EFR3B: variants seen among roughly 807,000 people sequenced by gnomAD.
The protein encoded by EFR3B is protein EFR3 homolog B.
A neutral mutation model predicts 104.7 loss-of-function variants in EFR3B; 64 were observed. The ratio of observed to expected loss-of-function variants is 0.61; its 90% CI spans 0.50 to 0.75. The LOEUF is 0.75. Ranked by LOEUF, EFR3B falls within the 30% of genes least tolerant of loss-of-function variation. EFR3B has a pLI of 0.00. For missense variants in EFR3B, 750 were observed against 1,078.5 expected (o/e 0.70, Z 4.27); for synonymous variants, 385 against 417.9 (o/e 0.92, Z 0.96).
intron 5 of EFR3B, among the ~76,000 whole-genome samples, chr2:25,126,813 T>G (rs1428319593): frequency 6.6e-6 from 1 of 152,020 alleles, no homozygotes; most frequent in Non-Finnish European, 1.5e-5. Flanking sequence ...TTTCTTACCT[T>G]TTGACTCATT....
intron 1 of EFR3B, among the ~76,000 whole-genome samples, chr2:25,087,805 C>T (rs1668998865): frequency 6.6e-6 from 1 of 152,146 alleles, no homozygotes; most frequent in African/African-American, 2.4e-5. Context: ...TCATGAATTC[C>T]ATTTTATCAG....
Position 25,149,705 on chromosome 2 carries a change from C to T in EFR3B, c.2154C>T (p.Ala718=), listed in dbSNP as rs189511251. Residue 718 remains alanine, a synonymous_variant, in exon 20 of 23, where the codon GCC becomes GCT. Transcript: ENST00000403714. ...NSPEKEERVP[A]EEITYETLKK... is the part of the protein sequence containing the mutation. ...CCCTTCTCCTTCAGCGAGTGCCTGC[C>T]GAGGAGATCACCTATGAGACACTGA... The T allele has an allele frequency of 5.1e-3, 7,909 of 1,551,440 alleles. 37 individuals are homozygous for T. Among genetic ancestry groups the T allele is most frequent in the African/African-American group, 8.6e-3 (632 of 73,120 alleles).
At chr2:25,132,606 G>A (rs1160758602) in intron 10 of EFR3B, among the ~76,000 whole-genome samples, 1 of 101,036 alleles carries the variant, frequency 9.9e-6, no homozygotes, top group Non-Finnish European at 2.0e-5. Flanking sequence ...CCCCCGCTCC[G>A]CCCTGGTCCC....
At position 25,130,508 on chromosome 2, in the gene EFR3B, G is replaced by A; in HGVS notation, c.771-44G>A. The A allele has an allele frequency of 2.0e-6, 3 of 1,475,702 alleles. No individual in the cohort carries two copies. The highest frequency in any genetic ancestry group is 2.8e-6 in the Non-Finnish European group (3 of 1,077,888). 91.4% of individuals were successfully genotyped at this position (1,475,702 alleles called of 1,614,324 possible). Reference sequence around the variant, plus strand: ...AAGCTAATCTCTTCTCCCTAACACTGCCGGGAGTTTCATAGTTGTTCCCCC... The same window carrying A: ...AAGCTAATCTCTTCTCCCTAACACTACCGGGAGTTTCATAGTTGTTCCCCC... On this transcript the variant is annotated intron_variant, in intron 7 of 22. Coordinates refer to ENST00000403714, the MANE Select transcript of EFR3B (RefSeq NM_014971.2). The surrounding 1 kb of genome is among the most constrained non-coding windows in gnomAD (Gnocchi z 4.6).
intron 1 of EFR3B, chr2:25,080,785 A>G: frequency 7.9e-7 from 1 of 1,266,592 alleles, no homozygotes; most frequent in Non-Finnish European, 1.1e-6. Context: ...GTCAAAATTG[A>G]TCTTTGCATC....
intron 1 of EFR3B, among the ~76,000 whole-genome samples, chr2:25,066,796 A>G (rs528822288): frequency 6.6e-6 from 1 of 152,168 alleles, no homozygotes; most frequent in African/African-American, 2.4e-5. Context: ...AATAAACAAC[A>G]TGACTTCTAG....
intron 3 of EFR3B, among the ~76,000 whole-genome samples, chr2:25,093,505 G>GAA (rs924679315): frequency 1.4e-5 from 2 of 146,282 alleles, no homozygotes; most frequent in Non-Finnish European, 3.0e-5. Flanking sequence ...CTCAAAAAAA[G>GAA]AAAAAAAAAA....
At position 25,137,444 on chromosome 2, in the gene EFR3B, T is replaced by C. The variant is rs1573231112; in HGVS notation, c.1664T>C (p.Ile555Thr). The C allele has an allele frequency of 6.4e-7, 1 of 1,551,742 alleles. No homozygotes were observed. Among genetic ancestry groups the C allele is most frequent in the Non-Finnish European group, 8.7e-7 (1 of 1,146,988 alleles). The change falls in exon 15 of 23, where the codon ATC becomes ACC. Residue 555 changes from isoleucine (I) to threonine (T), a missense_variant. Physicochemically the swap from Ile to Thr is moderately conservative, Grantham distance 89. Coordinates refer to ENST00000403714, the MANE Select transcript of EFR3B (RefSeq NM_014971.2). This position sits in a 1 kb window ranked among gnomAD's most constrained non-coding sequence, Gnocchi z 4.7. ...ALYGLLALIS[I>T]ELANEEVVVD... ...TATGGCTTGCTGGCCCTCATCAGCATCGAGCTGGCTAACGAGGAGGTGGTG... is the reference window on the plus strand; with the variant it reads ...TATGGCTTGCTGGCCCTCATCAGCACCGAGCTGGCTAACGAGGAGGTGGTG...
At chr2:25,123,540 T>C (rs1004558977) in intron 5 of EFR3B, among the ~76,000 whole-genome samples, 2 of 152,006 alleles carry the variant, frequency 1.3e-5, no homozygotes, top group Non-Finnish European at 2.9e-5. Flanking sequence ...GTGCCTCTGG[T>C]GAGGCCAGAG....
rs541177052 is a variant in EFR3B at position 25,097,897 on chromosome 2, A to C, written c.212+4767A>C. ...GCAGAATGCCATATAAGACGCCGTC[A>C]GGATCCCCAGTACCTGGAGCTCTCA... On this transcript the variant is annotated intron_variant, in intron 3 of 22. Coordinates refer to ENST00000403714, the MANE Select transcript of EFR3B (RefSeq NM_014971.2). 7.9e-5 allele frequency among the ~76,000 whole-genome samples: 12 copies of C among 152,284 alleles called. 1 individual carries two copies. In the South Asian group the frequency reaches 2.5e-3, roughly 32 times the overall value.
intron 5 of EFR3B, among the ~76,000 whole-genome samples, chr2:25,127,662 G>C (rs1392454374): frequency 1.3e-5 from 2 of 152,150 alleles, no homozygotes; most frequent in Non-Finnish European, 2.9e-5. Context: ...AGGGACTGGG[G>C]GTGTACAAAA....
chr2:25,065,651 G>A (rs1209230987), intron 1 of EFR3B, among the ~76,000 whole-genome samples: 2 of 152,116 alleles, frequency 1.3e-5, no homozygotes, highest in East Asian at 3.9e-4. Context: ...CAGGCCTGAG[G>A]GCTGGGCCCT....
At chr2:25,088,565 C>T (rs529337225) in intron 1 of EFR3B, among the ~76,000 whole-genome samples, 3 of 152,106 alleles carry the variant, frequency 2.0e-5, no homozygotes, top group Non-Finnish European at 2.9e-5. Context: ...TGGGGGAAAG[C>T]AGAAAGGGGC....
intron 5 of EFR3B, among the ~76,000 whole-genome samples, chr2:25,123,949 A>C (rs919535355): frequency 1.1e-4 from 16 of 152,218 alleles, no homozygotes; most frequent in Non-Finnish European, 2.1e-4. Context: ...CAGCAGTGCC[A>C]TTACACCCAC....
intron 4 of EFR3B, chr2:25,116,016 GAA>G (rs1385687214): frequency 2.0e-5 from 3 of 152,242 alleles, no homozygotes; most frequent in Non-Finnish European, 4.4e-5. Context: ...AACCATATCT[GAA>G]ATGTGTTTTC....
intron 1 of EFR3B, among the ~76,000 whole-genome samples, chr2:25,079,693 A>C (rs1394838794): frequency 6.6e-6 from 1 of 152,218 alleles, no homozygotes; most frequent in Non-Finnish European, 1.5e-5. Context: ...TGGTTGCAAC[A>C]AAAGAAATTA....
rs1325828815 is a variant in EFR3B, at chr2:25,136,344, T to C, written c.1485-179T>C. On this transcript the variant is annotated intron_variant, in intron 13 of 22. Transcript: ENST00000403714. The surrounding 1 kb of genome is among the most constrained non-coding windows in gnomAD (Gnocchi z 4.0). Reference sequence around the variant, plus strand: ...TCAAAAAGGAAAAAAGAGAGAGAGATAAAGGGACAAATTCTTGAGAACTTG... The same window carrying C: ...TCAAAAAGGAAAAAAGAGAGAGAGACAAAGGGACAAATTCTTGAGAACTTG... 6.6e-6 allele frequency among the ~76,000 whole-genome samples: 1 copy of C among 151,560 alleles called. No individual in the cohort carries two copies. The highest frequency in any genetic ancestry group is 1.5e-5 in the Non-Finnish European group (1 of 67,884).
chr2:25,052,126 G>A (rs1046020003), intron 1 of EFR3B, among the ~76,000 whole-genome samples: 1 of 151,472 alleles, frequency 6.6e-6, no homozygotes, highest in Non-Finnish European at 1.5e-5. Context: ...AACCCGGGAG[G>A]CGGAGGTTGC....
chr2:25,050,463 T>G (rs1667836234), intron 1 of EFR3B, among the ~76,000 whole-genome samples: 1 of 152,120 alleles, frequency 6.6e-6, no homozygotes, highest in Non-Finnish European at 1.5e-5. Flanking sequence ...AGGGTGAGGA[T>G]AAGGTGAATT....
Sources: gnomAD v4.1 joint callset for allele counts (sites outside exome capture counted in the v4.1 genomes callset) on GRCh38, gnomAD v4.1.1 for gene constraint, Gnocchi (gnomAD v3.1) non-coding constraint, MANE v1.5 for transcripts, NCBI Gene and HGNC (gene_info 2026-07-23, HGNC 2026-07-21) for gene names.